The following POGZ variants were observed in gnomAD, a reference collection of about 807,000 sequenced individuals.
POGZ encodes pogo transposable element derived with ZNF domain.
Under a neutral mutation model 134.6 loss-of-function variants are expected in POGZ, and 17 were observed. The observed-to-expected ratio is 0.13, with a 90% CI of 0.09 to 0.19. POGZ has a LOEUF of 0.19. POGZ is among the 10% of genes least tolerant of loss of function. POGZ has a pLI of 1.00. For missense variants in POGZ, 1,306 were observed against 1,769.7 expected (o/e 0.74, Z 4.70); for synonymous variants, 693 against 657.1 (o/e 1.05, Z -0.84).
At chr1:151,434,421 C>T (rs1659250176) in intron 3 of POGZ, among the ~76,000 whole-genome samples, 1 of 152,054 alleles carries the variant, frequency 6.6e-6, no homozygotes, top group Non-Finnish European at 1.5e-5. Flanking sequence ...GTGCAGTGAG[C>T]CAGCTGTGTT....
chr1:151,434,736 C>T (rs1299475948), intron 3 of POGZ, among the ~76,000 whole-genome samples: 1 of 151,922 alleles, frequency 6.6e-6, no homozygotes, highest in Non-Finnish European at 1.5e-5. Flanking sequence ...GCACATGCCA[C>T]CATGCCCAGC....
chr1:151,418,241 T>C (rs768416483), intron 10 of POGZ, among the ~76,000 whole-genome samples: 13 of 151,738 alleles, frequency 8.6e-5, no homozygotes, highest in Non-Finnish European at 1.9e-4. Context: ...GTGGTATATA[T>C]ACCCAGTGGA....
At chr1:151,453,339 T>C (rs992523973) in intron 1 of POGZ, among the ~76,000 whole-genome samples, 2 of 151,986 alleles carry the variant, frequency 1.3e-5, no homozygotes, top group Admixed American at 6.6e-5. Context: ...ATTCCACCTA[T>C]CTCTTTGGTA....
In POGZ at chr1:151,405,303, A is replaced by G. The variant is rs778423230; in HGVS notation, c.3732T>C (p.Ser1244=). The change falls in exon 19 of 19, where the codon AGT becomes AGC. Residue 1244 remains serine, a synonymous_variant. Transcript: ENST00000271715. The surrounding 1 kb of genome is among the most constrained non-coding windows in gnomAD (Gnocchi z 4.9). Reference sequence around the variant, plus strand: ...CCACTGCAGGCAAAGTGCTAGAGGCACTAAGCATAGCCAGTACCTCTTCTG... The same window carrying G: ...CCACTGCAGGCAAAGTGCTAGAGGCGCTAAGCATAGCCAGTACCTCTTCTG... ...HLSEEVLAML[S]ASSTLPAVVP... The G allele has an allele frequency of 1.2e-6, 2 of 1,614,248 alleles. No individual in the cohort carries two copies. The highest frequency in any genetic ancestry group is 1.7e-5 in the Admixed American group (1 of 60,034).
intron 4 of POGZ, 123 bp from the exon 5 acceptor site, chr1:151,429,834 T>TA: frequency 4.1e-6 from 2 of 492,538 alleles, no homozygotes; most frequent in South Asian, 3.5e-5. Flanking sequence ...TCTCTAGAAT[T>TA]AGAGGTTTCA....
At chr1:151,423,257 A>C in intron 10 of POGZ, 140 bp downstream of exon 10, 1 of 692,080 alleles carries the variant, frequency 1.4e-6, no homozygotes. Context: ...AATGAAGTAA[A>C]GAACTGGCTA....
chr1:151,442,038 T>A, intron 2 of POGZ, 43 bp downstream of exon 2: 2 of 1,439,714 alleles, frequency 1.4e-6, no homozygotes, highest in Non-Finnish European at 1.9e-6. Flanking sequence ...ACCATTCAAT[T>A]TAATTAATTT....
In POGZ at chr1:151,405,980, C is replaced by T; in HGVS notation, c.3055G>A (p.Glu1019Lys). The change falls in exon 19 of 19, where the codon GAG becomes AAG. Residue 1019 changes from glutamate (E) to lysine (K), a missense_variant. Glu to Lys is a moderately conservative substitution (Grantham distance 56). This residue lies in a region of POGZ where 214 missense variants were observed against 255.5 expected (regional missense o/e 0.84). Coordinates refer to ENST00000271715, the MANE Select transcript of POGZ (RefSeq NM_015100.4). The surrounding 1 kb of genome is among the most constrained non-coding windows in gnomAD (Gnocchi z 4.9). ...RFQASQGENL[E>K]GKYLSFEAEE... is the part of the protein sequence containing the mutation. ...GCCTCAAAGCTCAGATATTTGCCCTCTAGATTCTCCCCCTGGGAGGCCTGG... is the reference window on the plus strand; with the variant it reads ...GCCTCAAAGCTCAGATATTTGCCCTTTAGATTCTCCCCCTGGGAGGCCTGG... 1 of 1,614,206 alleles carries T rather than the reference C, an allele frequency of 6.2e-7. No homozygotes were observed. The highest frequency in any genetic ancestry group is 8.5e-7 in the Non-Finnish European group (1 of 1,180,028).
Position 151,445,911 on chromosome 1 carries a change from T to C in POGZ, c.-1-3706A>G, listed in dbSNP as rs1001105311. ...AAAATTCATATTTAGATCCTTCTTG[T>C]AGTTTTCTAGTTATCAAAAGGAAAT... On this transcript the variant is annotated intron_variant, in intron 1 of 18. Transcript: ENST00000271715. Among the ~76,000 whole-genome samples the C allele has an allele frequency of 1.6e-4, 24 of 152,132 alleles. 1 individual carries two copies. Among genetic ancestry groups the C allele is most frequent in the African/African-American group, 5.8e-4 (24 of 41,430 alleles).
At chr1:151,452,553 G>A (rs1006122877) in intron 1 of POGZ, among the ~76,000 whole-genome samples, 2 of 151,938 alleles carry the variant, frequency 1.3e-5, no homozygotes, top group African/African-American at 2.4e-5. Flanking sequence ...AAAATATTTG[G>A]CATGGGCCAA....
intron 1 of POGZ, among the ~76,000 whole-genome samples, chr1:151,458,785 T>G (rs1663110369): frequency 6.9e-6 from 1 of 143,888 alleles, no homozygotes. Context: ...GACGTCGGGC[T>G]GTGTGCGGGG....
Position 151,452,189 on chromosome 1 carries a change from C to T in POGZ, c.-2+6963G>A, listed in dbSNP as rs1466099333. On this transcript the variant is annotated intron_variant, in intron 1 of 18. Transcript: ENST00000271715. ...ATTGCTTAAGGTCAGGAGTTCAAGACCAATCTGGGAAACAGAACCGATCCC... is the reference window on the plus strand; with the variant it reads ...ATTGCTTAAGGTCAGGAGTTCAAGATCAATCTGGGAAACAGAACCGATCCC... Among the ~76,000 whole-genome samples, 4 of 150,796 alleles carry T rather than the reference C, an allele frequency of 2.7e-5. No individual in the cohort carries two copies. The Admixed American group carries it at 2.7e-4, about 10-fold the overall frequency.
intron 1 of POGZ, among the ~76,000 whole-genome samples, chr1:151,456,598 C>A (rs1196634241): frequency 6.6e-6 from 1 of 152,208 alleles, no homozygotes; most frequent in Non-Finnish European, 1.5e-5. Context: ...AATGCTTTAT[C>A]CATGTTTATT....
intron 3 of POGZ, among the ~76,000 whole-genome samples, chr1:151,438,531 A>G (rs1660001780): frequency 6.6e-6 from 1 of 152,176 alleles, no homozygotes; most frequent in Non-Finnish European, 1.5e-5. Flanking sequence ...TCAAGAATCA[A>G]GGGTACATTC....
At chr1:151,416,002 T>C (rs1238561170) in intron 10 of POGZ, among the ~76,000 whole-genome samples, 1 of 150,800 alleles carries the variant, frequency 6.6e-6, no homozygotes, top group African/African-American at 2.4e-5. Flanking sequence ...TCATCTGAAG[T>C]CAGGAGTTCA....
chr1:151,415,589 T>C (rs778929207), intron 10 of POGZ, among the ~76,000 whole-genome samples: 8 of 144,772 alleles, frequency 5.5e-5, no homozygotes, highest in Non-Finnish European at 7.4e-5. Flanking sequence ...AAGAATGGCG[T>C]GAACCCAGGA....
In POGZ at chr1:151,405,165, A is replaced by G; in HGVS notation, c.3870T>C (p.Thr1290=). 2 of 1,614,214 alleles carry G rather than the reference A, an allele frequency of 1.2e-6. No individual in the cohort carries two copies. Among genetic ancestry groups the G allele is most frequent in the South Asian group, 1.1e-5 (1 of 91,088 alleles). ...WKEQAREMAD[T]ACDSDVLLQL... The stretch of plus-strand genomic sequence containing the variant: ...GAAGCAGGACATCAGAATCACATGC[A>G]GTATCTGCCATTTCCCGAGCCTGTT... The change falls in exon 19 of 19, where the codon ACT becomes ACC. Residue 1290 remains threonine, a synonymous_variant. Transcript: ENST00000271715. The surrounding 1 kb of genome is among the most constrained non-coding windows in gnomAD (Gnocchi z 4.9).
chr1:151,430,858 GAAA>G lies in POGZ; in HGVS notation c.284-20_284-18del. ...GATTGCCAGCTAAAGGGTAAAGGAA[GAAA>G]AAAAAAAAGGAATGTTAGAAACAAT... On this transcript the variant is annotated intron_variant, in intron 3 of 18. Coordinates refer to ENST00000271715, the MANE Select transcript of POGZ (RefSeq NM_015100.4). 4 of 1,243,822 alleles carry G rather than the reference GAAA, an allele frequency of 3.2e-6. No homozygotes were observed. In the African/African-American group the frequency reaches 5.1e-5, roughly 16 times the overall value. The allele number at this position is 1,243,822 out of a possible 1,614,324, so 77.0% of individuals were successfully genotyped here. A position where few individuals can be genotyped will look rare whatever the true frequency, so the allele number is the denominator to read the frequency against.
intron 1 of POGZ, among the ~76,000 whole-genome samples, chr1:151,450,597 C>CAAGCAG (rs1203413791): frequency 5.3e-5 from 8 of 152,120 alleles, no homozygotes; most frequent in Non-Finnish European, 1.2e-4. Context: ...AAGTGATCTG[C>CAAGCAG]TTGCCTTGGT....
Sources: gnomAD v4.1 joint callset for allele counts (sites outside exome capture counted in the v4.1 genomes callset) on GRCh38, gnomAD v4.1.1 for gene constraint, gnomAD v4.1.1 regional missense constraint, Gnocchi (gnomAD v3.1) non-coding constraint, MANE v1.5 for transcripts, NCBI Gene and HGNC (gene_info 2026-07-23, HGNC 2026-07-21) for gene names.